NKAIN3: variants seen among roughly 807,000 people sequenced by gnomAD.
NKAIN3 encodes sodium/potassium-transporting ATPase subunit beta-1-interacting protein 3.
In NKAIN3, 25 loss-of-function variants were observed where a neutral mutation model predicts 30.2. The observed-to-expected ratio is 0.83, with a 90% CI of 0.60 to 1.16. NKAIN3 has a LOEUF of 1.16. Ranked by LOEUF, NKAIN3 falls within the 50% of genes most tolerant of loss-of-function variation. The pLI is 0.00. For synonymous variants in NKAIN3, 91 were observed against 89.6 expected (o/e 1.02, Z -0.09); for missense variants, 225 against 254.1 (o/e 0.89, Z 0.78).
At chr8:62,454,331 ATCTCATAATGTTTTAAGAAAG>A (rs1805748916) in intron 1 of NKAIN3, among the ~76,000 whole-genome samples, 1 of 150,734 alleles carries the variant, frequency 6.6e-6, no homozygotes, top group Admixed American at 6.6e-5. Context: ...AAATCTGAAA[ATCTCATAATGTTTTAAGAAAG>A]TTTTTGAATT....
chr8:62,385,006 T>C (rs1817382066), intron 1 of NKAIN3, among the ~76,000 whole-genome samples: 1 of 152,192 alleles, frequency 6.6e-6, no homozygotes, highest in African/African-American at 2.4e-5. Flanking sequence ...AGTAGATATC[T>C]GCTGAATTTA....
At chr8:62,470,877 A>T (rs1301559312) in intron 1 of NKAIN3, among the ~76,000 whole-genome samples, 2 of 134,048 alleles carry the variant, frequency 1.5e-5, no homozygotes, top group Admixed American at 7.4e-5. Context: ...TGTAGATCTT[A>T]TTGATCCATT....
chr8:62,840,984 T>G (rs990010500), intron 4 of NKAIN3, among the ~76,000 whole-genome samples: 20 of 152,196 alleles, frequency 1.3e-4, no homozygotes, highest in Middle Eastern at 3.4e-3. Context: ...AGCTAGAGGG[T>G]TCACACATCT....
At chr8:62,895,284 C>T (rs1821397852) in intron 4 of NKAIN3, among the ~76,000 whole-genome samples, 1 of 152,204 alleles carries the variant, frequency 6.6e-6, no homozygotes, top group African/African-American at 2.4e-5. Context: ...AGGCCAAAGG[C>T]CAGGGCTGAT....
chr8:62,477,771 G>A (rs1433511165), intron 1 of NKAIN3, among the ~76,000 whole-genome samples: 1 of 152,052 alleles, frequency 6.6e-6, no homozygotes, highest in East Asian at 1.9e-4. Context: ...AACCCTGTGG[G>A]CACAGGCCAG....
At chr8:62,410,689 G>A (rs1284017790) in intron 1 of NKAIN3, among the ~76,000 whole-genome samples, 1 of 152,022 alleles carries the variant, frequency 6.6e-6, no homozygotes, top group African/African-American at 2.4e-5. Flanking sequence ...CATTATAATT[G>A]ATCCCCACAG....
intron 1 of NKAIN3, among the ~76,000 whole-genome samples, chr8:62,318,759 A>T (rs1335427199): frequency 6.6e-6 from 1 of 152,166 alleles, no homozygotes; most frequent in Non-Finnish European, 1.5e-5. Context: ...GGATTTTTGC[A>T]TCGATATTCA....
chr8:62,866,604 T>C (rs561599899), intron 4 of NKAIN3, among the ~76,000 whole-genome samples: 199 of 152,358 alleles, frequency 1.3e-3, no homozygotes, highest in African/African-American at 4.6e-3. Context: ...AATGTCTTTT[T>C]ACTTTAAATT....
chr8:62,518,124 G>C (rs746779047), intron 1 of NKAIN3, among the ~76,000 whole-genome samples: 66 of 152,130 alleles, frequency 4.3e-4, no homozygotes, highest in African/African-American at 1.5e-3. Context: ...GCTTTGGAAG[G>C]CCAAGGTGGG....
At chr8:62,543,459 T>G (rs1318548313) in intron 1 of NKAIN3, among the ~76,000 whole-genome samples, 1 of 152,192 alleles carries the variant, frequency 6.6e-6, no homozygotes, top group East Asian at 1.9e-4. Context: ...GCAGAACAGA[T>G]GATGTTGCTC....
chr8:62,479,597 G>C (rs1806643261), intron 1 of NKAIN3, among the ~76,000 whole-genome samples: 1 of 152,142 alleles, frequency 6.6e-6, no homozygotes, highest in African/African-American at 2.4e-5. Flanking sequence ...ATCAGTTTTG[G>C]TTTCTGAGGG....
intron 1 of NKAIN3, among the ~76,000 whole-genome samples, chr8:62,518,478 T>C (rs746561967): frequency 1.3e-5 from 2 of 152,164 alleles, no homozygotes; most frequent in African/African-American, 2.4e-5. Context: ...TTAATAGTAA[T>C]AGTGCCTCCT....
intron 4 of NKAIN3, among the ~76,000 whole-genome samples, chr8:62,849,700 C>A (rs927870292): frequency 1.4e-5 from 2 of 142,224 alleles, no homozygotes; most frequent in Non-Finnish European, 3.0e-5. Flanking sequence ...TGAGAACATG[C>A]GGTGTTTGGT....
chr8:62,519,515 G>A (rs1352711089), intron 1 of NKAIN3, among the ~76,000 whole-genome samples: 1 of 151,978 alleles, frequency 6.6e-6, no homozygotes. Context: ...TCTTCTTTTG[G>A]TATCATTAAA....
intron 4 of NKAIN3, among the ~76,000 whole-genome samples, chr8:62,803,201 T>C (rs1307747189): frequency 8.5e-5 from 13 of 152,080 alleles, no homozygotes; most frequent in African/African-American, 2.4e-5. Flanking sequence ...ATTAGACAGA[T>C]CAATGAGACA....
intron 4 of NKAIN3, among the ~76,000 whole-genome samples, chr8:62,814,359 T>G (rs2883012): frequency 6.6e-6 from 1 of 151,346 alleles, no homozygotes; most frequent in East Asian, 1.9e-4. Flanking sequence ...TTTTAAACAT[T>G]AACAATTTGG....
chr8:62,694,622 A>G (rs998529912), intron 3 of NKAIN3, among the ~76,000 whole-genome samples: 3 of 151,708 alleles, frequency 2.0e-5, no homozygotes, highest in Non-Finnish European at 2.9e-5. Context: ...TTTCTCCCCA[A>G]TCTTCTGTCG....
At chr8:62,497,432 A>ATT (rs5891858) in intron 1 of NKAIN3, among the ~76,000 whole-genome samples, 5,035 of 148,954 alleles carry the variant, frequency 0.034, 288 homozygotes, top group African/African-American at 0.11. Context: ...AGTATAACCT[A>ATT]TTTTTTTTTT....
At chr8:62,893,621 G>T (rs572722551) in intron 4 of NKAIN3, among the ~76,000 whole-genome samples, 4 of 150,776 alleles carry the variant, frequency 2.7e-5, no homozygotes, top group African/African-American at 9.8e-5. Context: ...GATGTTTACT[G>T]CAGGGTTTGA....
Sources: gnomAD v4.1 joint callset for allele counts (sites outside exome capture counted in the v4.1 genomes callset) on GRCh38, gnomAD v4.1.1 for gene constraint, MANE v1.5 for transcripts, NCBI Gene and HGNC (gene_info 2026-07-23, HGNC 2026-07-21) for gene names.